Variants in CIB4 observed in about 807,000 individuals in gnomAD.
The protein encoded by CIB4 is calcium and integrin-binding family member 4.
In CIB4, 25 loss-of-function variants were observed where a neutral mutation model predicts 25.8. That is an observed-to-expected ratio of 0.97 (90% CI 0.71 to 1.35). The LOEUF (loss-of-function observed/expected upper bound fraction) is 1.35, where lower values mean the gene tolerates loss of function less well. Ranked by LOEUF, CIB4 falls within the 40% of genes most tolerant of loss-of-function variation. CIB4 has a pLI of 0.00. For missense variants in CIB4, 235 were observed against 228.2 expected, an observed-to-expected ratio of 1.03 and a Z score of -0.19; for synonymous variants, 75 against 81.4, an observed-to-expected ratio of 0.92 and a Z score of 0.42.
chr2:26,631,663 A>T (rs554255813), intron 2 of CIB4, among the ~76,000 whole-genome samples: 1 of 152,236 alleles, frequency 6.6e-6, no homozygotes, highest in African/African-American at 2.4e-5. Context: ...CAGCCCTGGG[A>T]GAGTGGAAAG....
intron 6 of CIB4, 84 bp downstream of exon 6, chr2:26,582,741 G>T: frequency 4.1e-6 from 3 of 739,012 alleles, no homozygotes; most frequent in Non-Finnish European, 4.6e-6. Flanking sequence ...AGACTGAGAT[G>T]TCCCATGGAG....
At chr2:26,607,928 T>G (rs1316991480) in intron 3 of CIB4, among the ~76,000 whole-genome samples, 1 of 152,198 alleles carries the variant, frequency 6.6e-6, no homozygotes, top group Non-Finnish European at 1.5e-5. Flanking sequence ...ACGTGAAATC[T>G]CCAGGGGACT....
At chr2:26,620,961 G>A (rs1347390106) in intron 3 of CIB4, among the ~76,000 whole-genome samples, 1 of 151,896 alleles carries the variant, frequency 6.6e-6, no homozygotes, top group African/African-American at 2.4e-5. Context: ...AGAAAGAAGA[G>A]CAAAAAGGCA....
At chr2:26,625,959 G>A (rs1572568457) in intron 3 of CIB4, among the ~76,000 whole-genome samples, 1 of 152,170 alleles carries the variant, frequency 6.6e-6, no homozygotes, top group African/African-American at 2.4e-5. Context: ...CATATGGCTA[G>A]CCAGTTCTCC....
intron 6 of CIB4, among the ~76,000 whole-genome samples, chr2:26,581,623 C>T (rs1319040012): frequency 2.0e-5 from 3 of 152,102 alleles, no homozygotes; most frequent in Admixed American, 6.5e-5. Flanking sequence ...TTGTGGTGCT[C>T]GAATCAGTGG....
chr2:26,631,865 C>T (rs1005531568), intron 2 of CIB4, among the ~76,000 whole-genome samples: 2 of 152,176 alleles, frequency 1.3e-5, no homozygotes, highest in Admixed American at 1.3e-4. Context: ...TCTGTGTTCC[C>T]GCTGTCTCAG....
At chr2:26,593,308 G>A (rs972381036) in intron 4 of CIB4, among the ~76,000 whole-genome samples, 1 of 142,142 alleles carries the variant, frequency 7.0e-6, no homozygotes, top group East Asian at 2.1e-4. Flanking sequence ...GTAGAGATAT[G>A]TGTGTGTGTG....
chr2:26,589,072 C>CTTCT (rs1668524568), intron 4 of CIB4, among the ~76,000 whole-genome samples: 41 of 40,750 alleles, frequency 1.0e-3, no homozygotes, highest in Admixed American at 1.9e-3. Context: ...CTTCCTCTTC[C>CTTCT]TCTTCTTCTT....
At chr2:26,582,327 T>G (rs1273262955) in intron 6 of CIB4, among the ~76,000 whole-genome samples, 1 of 152,190 alleles carries the variant, frequency 6.6e-6, no homozygotes, top group East Asian at 1.9e-4. Flanking sequence ...GCCAGGGAGA[T>G]CTGGAGATGG....
At chr2:26,592,663 T>C (rs1403172296) in intron 4 of CIB4, among the ~76,000 whole-genome samples, 1 of 152,230 alleles carries the variant, frequency 6.6e-6, no homozygotes, top group African/African-American at 2.4e-5. Flanking sequence ...TTTCTCTCTG[T>C]TCTTCAGATT....
intron 3 of CIB4, among the ~76,000 whole-genome samples, chr2:26,615,272 C>G (rs565588788): frequency 6.6e-6 from 1 of 152,320 alleles, no homozygotes; most frequent in South Asian, 2.1e-4. Flanking sequence ...CCCCTGCCCC[C>G]AGACAGCATG....
intron 2 of CIB4, 61 bp from the exon 3 acceptor site, chr2:26,629,567 G>A: frequency 3.5e-6 from 4 of 1,150,424 alleles, no homozygotes; most frequent in Non-Finnish European, 5.1e-6. Context: ...TGTGTGGCCG[G>A]GGAAAGGAGG....
At chr2:26,606,294 A>G (rs1053241594) in intron 3 of CIB4, among the ~76,000 whole-genome samples, 1 of 152,236 alleles carries the variant, frequency 6.6e-6, no homozygotes, top group Non-Finnish European at 1.5e-5. Context: ...AAGCGCACGC[A>G]AAGTGCTATG....
intron 4 of CIB4, 126 bp from the exon 5 acceptor site, chr2:26,584,024 C>A (rs1378898576): frequency 3.2e-6 from 2 of 628,570 alleles, no homozygotes; most frequent in African/African-American, 1.8e-5. Flanking sequence ...TCTGGGAGGC[C>A]CCCCAGAGCC....
At chr2:26,590,551 TCTC>T (rs1668570467) in intron 4 of CIB4, among the ~76,000 whole-genome samples, 1 of 152,110 alleles carries the variant, frequency 6.6e-6, no homozygotes, top group Admixed American at 6.5e-5. Flanking sequence ...ATGCCCGCCT[TCTC>T]CTTTCCCTTT....
intron 2 of CIB4, among the ~76,000 whole-genome samples, chr2:26,632,361 G>T (rs1008938871): frequency 6.6e-6 from 1 of 152,196 alleles, no homozygotes. Context: ...AACGGGTTGG[G>T]GGAGAGATTC....
At chr2:26,581,734 G>A (rs1339112888) in intron 6 of CIB4, among the ~76,000 whole-genome samples, 1 of 152,208 alleles carries the variant, frequency 6.6e-6, no homozygotes, top group Admixed American at 6.5e-5. Context: ...AGCTTTGGCT[G>A]GGGTGGTCCC....
intron 3 of CIB4, among the ~76,000 whole-genome samples, chr2:26,609,941 G>A (rs900198113): frequency 6.6e-6 from 1 of 152,216 alleles, no homozygotes; most frequent in Admixed American, 6.5e-5. Context: ...CTAACAGGAT[G>A]AAGTCACCCA....
chr2:26,611,087 G>C (rs989152606), intron 3 of CIB4, among the ~76,000 whole-genome samples: 10 of 152,246 alleles, frequency 6.6e-5, no homozygotes, highest in African/African-American at 2.4e-4. Flanking sequence ...GGGGTGGCCA[G>C]ATGAACTGAT....
Sources: gnomAD v4.1 joint callset for allele counts (sites outside exome capture counted in the v4.1 genomes callset) on GRCh38, gnomAD v4.1.1 for gene constraint, MANE v1.5 for transcripts, NCBI Gene and HGNC (gene_info 2026-07-23, HGNC 2026-07-21) for gene names.